GRID2: variants seen among roughly 807,000 people sequenced by gnomAD.
GRID2 encodes the protein glutamate ionotropic receptor delta type subunit 2, also known as glutamate receptor ionotropic, delta-2.
GRID2 carries 33 observed loss-of-function variants against 114.8 expected under a neutral mutation model. That is an observed-to-expected ratio of 0.29 (90% confidence interval 0.22 to 0.38). The LOEUF (loss-of-function observed/expected upper bound fraction) is 0.38, where lower values mean the gene tolerates loss of function less well. Ranked by LOEUF, GRID2 falls within the 10% of genes least tolerant of loss-of-function variation. GRID2 has a pLI of 1.00. For missense variants in GRID2, 1,184 were observed against 1,257.7 expected, an observed-to-expected ratio of 0.94 and a Z score of 0.89; for synonymous variants, 505 against 449.9, an observed-to-expected ratio of 1.12 and a Z score of -1.55.
At chr4:93,187,755 T>G (rs185221519) in intron 4 of GRID2, among the ~76,000 whole-genome samples, 2 of 152,250 alleles carry the variant, frequency 1.3e-5, no homozygotes, top group African/African-American at 4.8e-5. Context: ...CATACAATGA[T>G]TGGACAGACA....
intron 2 of GRID2, among the ~76,000 whole-genome samples, chr4:92,826,010 G>A (rs367917545): frequency 6.6e-6 from 1 of 152,124 alleles, no homozygotes; most frequent in African/African-American, 2.4e-5. Context: ...AGCAGCCAGA[G>A]TGATCCTGTT....
At chr4:93,408,562 A>G (rs1413583279) in intron 9 of GRID2, among the ~76,000 whole-genome samples, 1 of 152,130 alleles carries the variant, frequency 6.6e-6, no homozygotes. Flanking sequence ...TTAATTTTTT[A>G]TATATGTGCT....
In GRID2 at chr4:93,384,090, G is replaced by A. The variant is rs75128163; in HGVS notation, c.1246-11517G>A. On this transcript the variant is annotated intron_variant, in intron 8 of 15. Transcript: ENST00000282020. ...CTGGTGAAGGCTTGCTCTCTGCTTC[G>A]TAGACGGCACATCTTGCAGAAGGGG... Among the ~76,000 whole-genome samples the A allele has an allele frequency of 6.4e-4, 98 of 152,210 alleles. 1 individual carries two copies. The East Asian group carries it at 0.013, about 20-fold the overall frequency.
At chr4:92,593,187 C>T (rs533922030) in intron 2 of GRID2, among the ~76,000 whole-genome samples, 1 of 151,968 alleles carries the variant, frequency 6.6e-6, no homozygotes, top group Non-Finnish European at 1.5e-5. Context: ...TTGAAAGTCT[C>T]ATCCTTGAAC....
At chr4:92,397,332 G>C (rs1730540974) in intron 1 of GRID2, among the ~76,000 whole-genome samples, 1 of 143,634 alleles carries the variant, frequency 7.0e-6, no homozygotes, top group Non-Finnish European at 1.5e-5. Context: ...ATAAAACTCT[G>C]TGTGTTTGTA....
chr4:92,600,044 G>GTGTGTGTGTGTA (rs1206780169), intron 2 of GRID2, among the ~76,000 whole-genome samples: 2 of 54,432 alleles, frequency 3.7e-5, no homozygotes, highest in African/African-American at 1.4e-4. Flanking sequence ...GTGTGTGTGT[G>GTGTGTGTGTGTA]TATATATATA....
chr4:93,681,504 G>A (rs1725534068), intron 14 of GRID2, among the ~76,000 whole-genome samples: 1 of 151,568 alleles, frequency 6.6e-6, no homozygotes, highest in Non-Finnish European at 1.5e-5. Context: ...AAAGCTGGAG[G>A]CATCATGCTA....
chr4:93,118,508 T>A (rs1733489997), intron 4 of GRID2, among the ~76,000 whole-genome samples: 1 of 152,204 alleles, frequency 6.6e-6, no homozygotes, highest in Non-Finnish European at 1.5e-5. Flanking sequence ...AATATATAGT[T>A]GAATAAATTA....
intron 2 of GRID2, among the ~76,000 whole-genome samples, chr4:92,925,679 A>G (rs1382865314): frequency 6.6e-6 from 1 of 152,016 alleles, no homozygotes; most frequent in Non-Finnish European, 1.5e-5. Context: ...GAATTAGGGA[A>G]GCAACATGTA....
At chr4:93,724,949 T>C (rs1360422862) in intron 14 of GRID2, among the ~76,000 whole-genome samples, 1 of 150,912 alleles carries the variant, frequency 6.6e-6, no homozygotes, top group Non-Finnish European at 1.5e-5. Context: ...CCAGCTAATT[T>C]TTGTATTTTT....
At chr4:92,926,510 T>C (rs1489596601) in intron 2 of GRID2, among the ~76,000 whole-genome samples, 1 of 151,988 alleles carries the variant, frequency 6.6e-6, no homozygotes, top group Admixed American at 6.6e-5. Context: ...AAACAAGGCA[T>C]ATAAATATGC....
At chr4:92,713,519 T>TATATATA (rs1464081862) in intron 2 of GRID2, among the ~76,000 whole-genome samples, 13 of 81,336 alleles carry the variant, frequency 1.6e-4, no homozygotes, top group Non-Finnish European at 3.3e-4. Context: ...ATATATATAT[T>TATATATA]ACCAAAATTA....
chr4:93,652,232 C>T (rs1024190490), intron 14 of GRID2, among the ~76,000 whole-genome samples: 4 of 151,866 alleles, frequency 2.6e-5, no homozygotes, highest in African/African-American at 7.3e-5. Context: ...GGGAAGACCA[C>T]GTGAAGACAC....
chr4:93,236,258 G>A (rs1265806493), intron 7 of GRID2, among the ~76,000 whole-genome samples: 2 of 151,902 alleles, frequency 1.3e-5, no homozygotes, highest in African/African-American at 4.8e-5. Context: ...GGAATAGATT[G>A]GCAAGAATCA....
chr4:93,603,872 G>A lies in GRID2; in HGVS notation c.2194-22397G>A, dbSNP rs142975023. On this transcript the variant is annotated intron_variant, in intron 13 of 15. Transcript: ENST00000282020. ...GTTCACTGAATATTTTAAGCCCACT[G>A]TTGAGATCTACTGCTCAGAAAAAAA... Among the ~76,000 whole-genome samples the A allele has an allele frequency of 3.2e-3, 488 of 152,156 alleles. 5 individuals are homozygous for A. Among genetic ancestry groups the A allele is most frequent in the African/African-American group, 0.011 (441 of 41,510 alleles).
At chr4:92,623,428 A>G (rs1164822822) in intron 2 of GRID2, among the ~76,000 whole-genome samples, 2 of 151,696 alleles carry the variant, frequency 1.3e-5, no homozygotes, top group East Asian at 3.9e-4. Context: ...AAAGTGATTC[A>G]TCCAAGATAC....
At chr4:93,260,709 C>G (rs1308300919) in intron 8 of GRID2, among the ~76,000 whole-genome samples, 1 of 151,786 alleles carries the variant, frequency 6.6e-6, no homozygotes, top group East Asian at 1.9e-4. Context: ...ATAAATCCTA[C>G]TGCCTTTTTC....
intron 14 of GRID2, among the ~76,000 whole-genome samples, chr4:93,656,050 TTATATA>T (rs1252110825): frequency 6.9e-6 from 1 of 145,516 alleles, no homozygotes; most frequent in Non-Finnish European, 1.5e-5. Context: ...CATAAAAACA[TTATATA>T]TATATAAATG....
chr4:93,711,590 C>G (rs753913977), intron 14 of GRID2, among the ~76,000 whole-genome samples: 1 of 152,098 alleles, frequency 6.6e-6, no homozygotes, highest in African/African-American at 2.4e-5. Flanking sequence ...ATGGATGATT[C>G]CCCTCTGGCT....
Sources: gnomAD v4.1 joint callset for allele counts (sites outside exome capture counted in the v4.1 genomes callset) on GRCh38, gnomAD v4.1.1 for gene constraint, MANE v1.5 for transcripts, NCBI Gene and HGNC (gene_info 2026-07-23, HGNC 2026-07-21) for gene names.